Variants in ZC3H18 observed in about 807,000 individuals in gnomAD.
The protein encoded by ZC3H18 is zinc finger CCCH-type containing 18.
ZC3H18 carries 8 observed loss-of-function variants against 106.1 expected under a neutral mutation model. That is an observed-to-expected ratio of 0.08 (90% CI 0.04 to 0.14). The LOEUF (loss-of-function observed/expected upper bound fraction) is 0.14. Among genes scored for constraint, ZC3H18 ranks in the 10% least tolerant of loss-of-function variants. The pLI, the probability that ZC3H18 is intolerant of heterozygous loss-of-function variation, is 1.00. For synonymous variants in ZC3H18, 635 were observed against 522.1 expected (o/e 1.22, Z -2.95); for missense variants, 1,318 against 1,278.4 (o/e 1.03, Z -0.47).
chr16:88,570,879 A>T (rs1003487729), intron 1 of ZC3H18, among the ~76,000 whole-genome samples: 1 of 152,160 alleles, frequency 6.6e-6, no homozygotes, highest in Non-Finnish European at 1.5e-5. Flanking sequence ...CTTCCGGGCC[A>T]CTCGCGTGGC....
At chr16:88,623,380 G>A in intron 10 of ZC3H18, 36 bp downstream of exon 10, 2 of 1,606,668 alleles carry the variant, frequency 1.2e-6, no homozygotes, top group Non-Finnish European at 1.7e-6. Context: ...CCCTCAGCAG[G>A]TGCAGTGAGC....
At chr16:88,576,632 G>A (rs1410496849) in intron 1 of ZC3H18, among the ~76,000 whole-genome samples, 2 of 152,306 alleles carry the variant, frequency 1.3e-5, no homozygotes, top group Middle Eastern at 3.4e-3. Context: ...GGACACTGCC[G>A]AAGGCTGGCC....
chr16:88,591,523 G>A (rs1221897832), intron 3 of ZC3H18, among the ~76,000 whole-genome samples: 1 of 150,874 alleles, frequency 6.6e-6, no homozygotes, highest in Non-Finnish European at 1.5e-5. Context: ...AGTGAGCCAA[G>A]ATCACACCAC....
At chr16:88,617,139 C>G (rs1416200280) in intron 8 of ZC3H18, among the ~76,000 whole-genome samples, 1 of 152,196 alleles carries the variant, frequency 6.6e-6, no homozygotes, top group Non-Finnish European at 1.5e-5. Flanking sequence ...GGAGCCATTT[C>G]TTTTCCTTAT....
At chr16:88,588,123 C>G (rs1915542684) in intron 3 of ZC3H18, among the ~76,000 whole-genome samples, 1 of 152,228 alleles carries the variant, frequency 6.6e-6, no homozygotes, top group African/African-American at 2.4e-5. Context: ...CTTTGGTATT[C>G]ACAGTGTCAG....
At chr16:88,574,550 A>G (rs1914619038) in intron 1 of ZC3H18, among the ~76,000 whole-genome samples, 1 of 150,494 alleles carries the variant, frequency 6.6e-6, no homozygotes, top group Non-Finnish European at 1.5e-5. Context: ...TGTTTGAGTC[A>G]GGGTCTCACT....
At chr16:88,622,645 C>G (rs184545713) in intron 9 of ZC3H18, 1 of 484,222 alleles carries the variant, frequency 2.1e-6, no homozygotes, top group Admixed American at 3.8e-5. Context: ...CAGGGAGTCA[C>G]AGGCCACACT....
chr16:88,586,544 A>G (rs1915445606), intron 2 of ZC3H18, 56 bp from the exon 3 acceptor site: 2 of 1,427,878 alleles, frequency 1.4e-6, no homozygotes, highest in South Asian at 2.3e-5. Context: ...GTTTGGAGAA[A>G]GCAGTGCTGA....
rs551149644 is a variant in ZC3H18, at chr16:88,606,646, G to A, written c.1089-2288G>A. Among the ~76,000 whole-genome samples, 16 of 152,332 alleles carry A rather than the reference G, an allele frequency of 1.1e-4. 1 individual carries two copies. The South Asian group carries it at 2.3e-3, about 22-fold the overall frequency. On this transcript the variant is annotated intron_variant, in intron 6 of 17. Coordinates refer to ENST00000301011, the MANE Select transcript of ZC3H18 (RefSeq NM_144604.4). ...TGCTGATGTGTTTTTTGTAGAGACG[G>A]TGTCTCGCGTGCTGTCCAGGCTTCC...
At chr16:88,614,455 C>A (rs1012192233) in intron 8 of ZC3H18, among the ~76,000 whole-genome samples, 1 of 152,248 alleles carries the variant, frequency 6.6e-6, no homozygotes, top group Non-Finnish European at 1.5e-5. Context: ...TCAGGCAGGA[C>A]TTCGCAGGCC....
At chr16:88,573,090 CATTT>C (rs1914513753) in intron 1 of ZC3H18, among the ~76,000 whole-genome samples, 1 of 152,008 alleles carries the variant, frequency 6.6e-6, no homozygotes, top group South Asian at 2.1e-4. Flanking sequence ...TTTGAGGAGA[CATTT>C]AGTTTTGCAT....
chr16:88,608,031 T>G (rs1304057378), intron 6 of ZC3H18, among the ~76,000 whole-genome samples: 1 of 152,240 alleles, frequency 6.6e-6, no homozygotes, highest in Non-Finnish European at 1.5e-5. Flanking sequence ...AGACACTGAT[T>G]TCTATGTTAA....
chr16:88,595,774 C>G (rs1904401040), intron 3 of ZC3H18, among the ~76,000 whole-genome samples: 1 of 149,562 alleles, frequency 6.7e-6, no homozygotes, highest in South Asian at 2.1e-4. Flanking sequence ...CCACTGCACT[C>G]CAGCCTGGGC....
At chr16:88,630,650 C>T in intron 17 of ZC3H18, 69 bp downstream of exon 17, 1 of 1,382,602 alleles carries the variant, frequency 7.2e-7, no homozygotes, top group Non-Finnish European at 9.9e-7. Context: ...CCCAGGGAGG[C>T]CAGCAGCAGC....
At position 88,577,149 on chromosome 16, in the gene ZC3H18, G is replaced by T. The variant is rs562706352; in HGVS notation, c.26G>T (p.Arg9Leu). ...ATGGATGTGGCCGAGAGCCCTGAAC[G>T]GGATCCTCACTCTCCAGAGGATGAA... MDVAESPE[R>L]DPHSPEDEEQ... Residue 9 changes from arginine (R) to leucine (L), a missense_variant, in exon 2 of 18, where the codon CGG becomes CTG. Physicochemically the swap from Arg to Leu is moderately radical, Grantham distance 102. Transcript: ENST00000301011. 9 of 1,574,696 alleles carry T rather than the reference G, an allele frequency of 5.7e-6. No individual in the cohort carries two copies. Among genetic ancestry groups the T allele is most frequent in the Non-Finnish European group, 7.8e-6 (9 of 1,157,646 alleles).
chr16:88,580,210 A>ATG (rs1356030030), intron 2 of ZC3H18, among the ~76,000 whole-genome samples: 10 of 34,274 alleles, frequency 2.9e-4, no homozygotes, highest in East Asian at 7.1e-4. Context: ...GTGTGTGTGT[A>ATG]TATGTATATG....
Position 88,618,795 on chromosome 16 carries a change from C to T in ZC3H18, c.1476-3402C>T, listed in dbSNP as rs74492753. Among the ~76,000 whole-genome samples, 494 of 152,284 alleles carry T rather than the reference C, an allele frequency of 3.2e-3. 3 individuals are homozygous for T. The highest frequency in any genetic ancestry group is 0.011 in the African/African-American group (473 of 41,550). ...AGGTCATCTGGAGGGTTCTCCCCTG[C>T]GGTTGGAAGTGTTCATGCAAATTCC... On this transcript the variant is annotated intron_variant, in intron 8 of 17. Transcript: ENST00000301011.
chr16:88,625,681 A>C (rs149137496), intron 13 of ZC3H18: 352 of 205,538 alleles, frequency 1.7e-3, no homozygotes, highest in African/African-American at 7.9e-3. Flanking sequence ...AAGCCGATAA[A>C]AACATCTGAG....
chr16:88,631,070 G>A (rs748213323), intron 17 of ZC3H18, 31 bp from the exon 18 acceptor site: 1 of 1,609,954 alleles, frequency 6.2e-7, no homozygotes, highest in Non-Finnish European at 8.5e-7. Flanking sequence ...GTGGCTTCTG[G>A]GGGCTCAAGG....
Sources: allele counts gnomAD v4.1 joint callset (sites outside exome capture counted in the v4.1 genomes callset), GRCh38; gene constraint gnomAD v4.1.1; transcripts MANE v1.5; gene names NCBI Gene and HGNC (gene_info 2026-07-23, HGNC 2026-07-21).